CNTNAP2: variants seen among roughly 807,000 people sequenced by gnomAD.
CNTNAP2 encodes the protein contactin-associated protein-like 2.
Under a neutral mutation model 155.2 loss-of-function variants are expected in CNTNAP2, and 98 were observed. That is an observed-to-expected ratio of 0.63 (90% CI 0.54 to 0.75). The LOEUF (loss-of-function observed/expected upper bound fraction) is 0.75. Among genes scored for constraint, CNTNAP2 ranks in the 30% least tolerant of loss-of-function variants. The probability of loss-of-function intolerance (pLI) is 0.00; values close to 1 mark genes in which losing one functional copy is unlikely to be tolerated. For synonymous variants in CNTNAP2, 651 were observed against 631.2 expected (o/e 1.03, Z -0.47); for missense variants, 1,727 against 1,688.1 (o/e 1.02, Z -0.40).
chr7:147,729,669 G>A (rs1796707653), intron 13 of CNTNAP2, among the ~76,000 whole-genome samples: 2 of 152,094 alleles, frequency 1.3e-5, no homozygotes, highest in African/African-American at 4.8e-5. Flanking sequence ...CTTACAACAT[G>A]AGGAGCAGTG....
intron 15 of CNTNAP2, among the ~76,000 whole-genome samples, chr7:148,115,210 T>G (rs955380057): frequency 6.6e-6 from 1 of 152,232 alleles, no homozygotes; most frequent in Non-Finnish European, 1.5e-5. Context: ...CTTGAATAAC[T>G]GATGGAACTA....
At chr7:147,970,635 A>G (rs1801316285) in intron 14 of CNTNAP2, among the ~76,000 whole-genome samples, 1 of 152,232 alleles carries the variant, frequency 6.6e-6, no homozygotes, top group Admixed American at 6.5e-5. Flanking sequence ...AAGAAATCAA[A>G]CAAAAGACTC....
At chr7:148,279,390 A>G (rs1796933182) in intron 21 of CNTNAP2, among the ~76,000 whole-genome samples, 1 of 152,222 alleles carries the variant, frequency 6.6e-6, no homozygotes, top group African/African-American at 2.4e-5. Flanking sequence ...TTGGTGATCA[A>G]CCGGATGTGG....
intron 1 of CNTNAP2, among the ~76,000 whole-genome samples, chr7:146,746,848 G>T (rs1801817158): frequency 6.6e-6 from 1 of 152,078 alleles, no homozygotes; most frequent in African/African-American, 2.4e-5. Flanking sequence ...TATGCTTATA[G>T]TTGGATATTT....
chr7:146,842,656 CAGG>C (rs967108848), intron 3 of CNTNAP2, among the ~76,000 whole-genome samples: 1 of 152,032 alleles, frequency 6.6e-6, no homozygotes, highest in Non-Finnish European at 1.5e-5. Context: ...ATGCCGGGAG[CAGG>C]AGGAAGAAAG....
At chr7:148,172,566 T>G in intron 18 of CNTNAP2, 88 bp downstream of exon 18, 2 of 1,184,946 alleles carry the variant, frequency 1.7e-6, no homozygotes, top group South Asian at 2.4e-5. Flanking sequence ...TGTAAACAAG[T>G]GTACCTTATT....
intron 10 of CNTNAP2, among the ~76,000 whole-genome samples, chr7:147,479,899 G>C (rs1018992): frequency 0.21 from 31,870 of 151,758 alleles, 3,653 homozygotes; most frequent in East Asian, 0.36. Context: ...TTTTAAATTA[G>C]TTACTGGAAT....
At chr7:147,587,239 A>C (rs1800647103) in intron 12 of CNTNAP2, among the ~76,000 whole-genome samples, 1 of 152,180 alleles carries the variant, frequency 6.6e-6, no homozygotes, top group African/African-American at 2.4e-5. Context: ...GACATTCATA[A>C]AACCTTATCA....
At chr7:146,356,975 C>T (rs1460197680) in intron 1 of CNTNAP2, among the ~76,000 whole-genome samples, 2 of 152,166 alleles carry the variant, frequency 1.3e-5, no homozygotes, top group Non-Finnish European at 2.9e-5. Flanking sequence ...CTCATCTCAT[C>T]AAGCACAGCT....
chr7:148,135,625 G>T (rs1331763931), intron 16 of CNTNAP2, among the ~76,000 whole-genome samples: 1 of 151,804 alleles, frequency 6.6e-6, no homozygotes, highest in Non-Finnish European at 1.5e-5. Context: ...GAGGCAGGTG[G>T]ATCACCTGAG....
intron 11 of CNTNAP2, among the ~76,000 whole-genome samples, chr7:147,512,113 G>A (rs1799033583): frequency 2.0e-5 from 3 of 152,100 alleles, no homozygotes; most frequent in Admixed American, 2.0e-4. Flanking sequence ...AACATATACA[G>A]CATGGGATCC....
At chr7:146,573,030 C>T (rs1394767639) in intron 1 of CNTNAP2, among the ~76,000 whole-genome samples, 4 of 152,130 alleles carry the variant, frequency 2.6e-5, no homozygotes, top group African/African-American at 9.7e-5. Context: ...ATAATGTCAA[C>T]TTAGGGGTAA....
chr7:147,472,929 T>C (rs62482791), intron 10 of CNTNAP2, among the ~76,000 whole-genome samples: 118,160 of 151,700 alleles, frequency 0.78, 46,370 homozygotes, highest in African/African-American at 0.87. Flanking sequence ...AGTTTCAGGC[T>C]CTCAAAGTCT....
At chr7:146,576,151 A>G (rs1183389697) in intron 1 of CNTNAP2, among the ~76,000 whole-genome samples, 1 of 152,108 alleles carries the variant, frequency 6.6e-6, no homozygotes, top group Non-Finnish European at 1.5e-5. Flanking sequence ...CAGAAGTGAG[A>G]TCATGAATGG....
In CNTNAP2 at chr7:146,397,999, C is replaced by T. The variant is rs117615021; in HGVS notation, c.97+281026C>T. Among the ~76,000 whole-genome samples the T allele has an allele frequency of 8.0e-3, 1,218 of 151,522 alleles. 28 individuals carry two copies. The highest frequency in any genetic ancestry group is 0.044 in the East Asian group (224 of 5,102). On this transcript the variant is annotated intron_variant, in intron 1 of 23. Transcript: ENST00000361727. ...AGCGATTCTCCCACCTCAGCCTCCCCGGTAGCTGGGACTTCAGGCACACGC... is the reference window on the plus strand; with the variant it reads ...AGCGATTCTCCCACCTCAGCCTCCCTGGTAGCTGGGACTTCAGGCACACGC...
At chr7:147,719,926 C>T (rs543868349) in intron 13 of CNTNAP2, among the ~76,000 whole-genome samples, 1 of 152,122 alleles carries the variant, frequency 6.6e-6, no homozygotes, top group East Asian at 1.9e-4. Flanking sequence ...TTCTCTATTC[C>T]CATCATTCAC....
intron 1 of CNTNAP2, among the ~76,000 whole-genome samples, chr7:146,244,347 T>A (rs894903126): frequency 6.6e-6 from 1 of 151,860 alleles, no homozygotes; most frequent in Non-Finnish European, 1.5e-5. Flanking sequence ...TTGAGAACGG[T>A]GAATAGGAGT....
chr7:147,600,005 T>C (rs959211181), intron 12 of CNTNAP2, among the ~76,000 whole-genome samples: 2 of 152,228 alleles, frequency 1.3e-5, no homozygotes, highest in African/African-American at 4.8e-5. Flanking sequence ...TTCACAATAA[T>C]TGATAAAATA....
rs1800767874 is a variant in CNTNAP2 at position 146,695,547 on chromosome 7, AC to A, written c.98-78723del. ...CTCCCACCTCAGCCTCCCATGCAGAACTATAGGCCCACACTACCATGCCCAA... is the reference window on the plus strand; with the variant it reads ...CTCCCACCTCAGCCTCCCATGCAGAATATAGGCCCACACTACCATGCCCAA... On this transcript the variant is annotated intron_variant, in intron 1 of 23. Coordinates refer to ENST00000361727, the MANE Select transcript of CNTNAP2 (RefSeq NM_014141.6). Among the ~76,000 whole-genome samples, 4 of 151,870 alleles carry A rather than the reference AC, an allele frequency of 2.6e-5. No individual in the cohort carries two copies. In the South Asian group the frequency reaches 8.3e-4, roughly 32 times the overall value.
Sources: allele counts gnomAD v4.1 joint callset (sites outside exome capture counted in the v4.1 genomes callset), GRCh38; gene constraint gnomAD v4.1.1; transcripts MANE v1.5; gene names NCBI Gene and HGNC (gene_info 2026-07-23, HGNC 2026-07-21).